MYO18B: variants seen among roughly 807,000 people sequenced by gnomAD.
MYO18B encodes the protein unconventional myosin-XVIIIb.
In MYO18B, 204 loss-of-function variants were observed where a neutral mutation model predicts 273.0. That is an observed-to-expected ratio of 0.75 (90% CI 0.67 to 0.84). The LOEUF is 0.84. Ranked by LOEUF, MYO18B falls within the 40% of genes least tolerant of loss-of-function variation. The pLI is 0.00. For synonymous variants in MYO18B, 1,330 were observed against 1,305.7 expected (o/e 1.02, Z -0.40); for missense variants, 3,212 against 3,287.6 (o/e 0.98, Z 0.56).
At chr22:25,862,150 A>G (rs1448303677) in intron 21 of MYO18B, among the ~76,000 whole-genome samples, 4 of 152,194 alleles carry the variant, frequency 2.6e-5, no homozygotes, top group Non-Finnish European at 5.9e-5. Context: ...ACAGAAGGAT[A>G]TGAGTAGGTT....
At chr22:25,814,240 A>G (rs1440574245) in intron 12 of MYO18B, among the ~76,000 whole-genome samples, 1 of 146,882 alleles carries the variant, frequency 6.8e-6, no homozygotes, top group African/African-American at 2.5e-5. Context: ...TCTCTCCTAA[A>G]TAATAACAGT....
In MYO18B at chr22:26,015,582, T is replaced by C. The variant is rs183476526; in HGVS notation, c.6470+10727T>C. 4.6e-3 allele frequency among the ~76,000 whole-genome samples: 706 copies of C among 152,206 alleles called. 5 individuals are homozygous for C. Among genetic ancestry groups the C allele is most frequent in the African/African-American group, 0.016 (661 of 41,516 alleles). ...ACCAAATACCACATCATCTCACTTA[T>C]AAGTGGGAGCTAAATTATGAAAGCA... On this transcript the variant is annotated intron_variant, in intron 42 of 43. Coordinates refer to ENST00000335473, the MANE Select transcript of MYO18B (RefSeq NM_032608.7).
intron 11 of MYO18B, among the ~76,000 whole-genome samples, chr22:25,788,996 G>A (rs965819639): frequency 2.6e-5 from 4 of 152,120 alleles, no homozygotes; most frequent in Non-Finnish European, 4.4e-5. Flanking sequence ...CTTCGGCAGT[G>A]CCTGACACTT....
intron 34 of MYO18B, among the ~76,000 whole-genome samples, chr22:25,929,796 A>G (rs1230096055): frequency 3.9e-5 from 6 of 152,158 alleles, no homozygotes; most frequent in African/African-American, 9.7e-5. Flanking sequence ...CTGAATATCT[A>G]GTACTTGGAT....
intron 39 of MYO18B, among the ~76,000 whole-genome samples, chr22:25,982,702 T>A (rs1284386360): frequency 6.6e-6 from 1 of 152,162 alleles, no homozygotes; most frequent in Non-Finnish European, 1.5e-5. Flanking sequence ...CTTGCCTCCA[T>A]CTTCAAAGAC....
intron 11 of MYO18B, among the ~76,000 whole-genome samples, chr22:25,792,008 A>T (rs2087682057): frequency 6.6e-6 from 1 of 152,200 alleles, no homozygotes; most frequent in South Asian, 2.1e-4. Flanking sequence ...CTGTCATCTC[A>T]GATCACGATT....
chr22:25,852,060 G>A (rs753475464), intron 21 of MYO18B, among the ~76,000 whole-genome samples: 4 of 152,214 alleles, frequency 2.6e-5, no homozygotes, highest in Non-Finnish European at 4.4e-5. Context: ...TGCAAAGTGT[G>A]TTCCATTCAG....
intron 15 of MYO18B, among the ~76,000 whole-genome samples, chr22:25,829,296 G>C (rs117423527): frequency 6.6e-6 from 1 of 152,262 alleles, no homozygotes; most frequent in East Asian, 1.9e-4. Flanking sequence ...TCCTCCAAGA[G>C]TCAGTCTGCA....
intron 18 of MYO18B, among the ~76,000 whole-genome samples, chr22:25,844,325 G>A (rs1051604058): frequency 6.6e-6 from 1 of 152,166 alleles, no homozygotes; most frequent in East Asian, 1.9e-4. Context: ...GAGGCCGGCA[G>A]CATTCTCTGC....
At chr22:25,859,198 C>A (rs1383789019) in intron 21 of MYO18B, among the ~76,000 whole-genome samples, 1 of 151,914 alleles carries the variant, frequency 6.6e-6, no homozygotes, top group African/African-American at 2.4e-5. Context: ...GCCTTAAAAA[C>A]CTCAAATAAT....
At chr22:25,880,391 G>A (rs554758719) in intron 25 of MYO18B, among the ~76,000 whole-genome samples, 3 of 152,096 alleles carry the variant, frequency 2.0e-5, no homozygotes, top group Non-Finnish European at 2.9e-5. Flanking sequence ...TTTCTTTATC[G>A]TGGATTTTTT....
Position 25,913,356 on chromosome 22 carries a change from G to A in MYO18B, c.5364+2306G>A, listed in dbSNP as rs556256343. On this transcript the variant is annotated intron_variant, in intron 33 of 43. Transcript: ENST00000335473. ...TGTGCATTTTTCACATGTTGATTGT[G>A]GCTTTTTCTTTTCTTTTCTTTTTTT... Among the ~76,000 whole-genome samples, 219 of 84,208 alleles carry A rather than the reference G, an allele frequency of 2.6e-3. 1 individual carries two copies. The highest frequency in any genetic ancestry group is 0.011 in the African/African-American group (200 of 18,572). 55.2% of individuals were successfully genotyped at this position (84,208 alleles called of 152,430 possible). A position where few individuals can be genotyped will look rare whatever the true frequency, so the allele number is the denominator to read the frequency against.
In MYO18B at chr22:25,826,516, C is replaced by T; in HGVS notation, c.2786+17C>T. On this transcript the variant is annotated intron_variant, in intron 14 of 43. Transcript: ENST00000335473. ...CATCAACAGGTAACGGGGCCTTTTCCTAGGCACACAGTTGGCCTCTTGCAG... is the reference window on the plus strand; with the variant it reads ...CATCAACAGGTAACGGGGCCTTTTCTTAGGCACACAGTTGGCCTCTTGCAG... The T allele has an allele frequency of 1.9e-6, 3 of 1,607,850 alleles. No homozygotes were observed. The highest frequency in any genetic ancestry group is 2.6e-6 in the Non-Finnish European group (3 of 1,175,870).
rs1012118457 is a variant in MYO18B, at chr22:25,898,469, G to T, written c.4823+8G>T. On this transcript the variant is annotated splice_region_variant and intron_variant, in intron 29 of 43. Coordinates refer to ENST00000335473, the MANE Select transcript of MYO18B (RefSeq NM_032608.7). ...GGAGAAGAAGCAGAAGAAGTGAGTT[G>T]CATCTCTCACCATCACCTGGGCTGC... 4 of 1,612,706 alleles carry T rather than the reference G, an allele frequency of 2.5e-6. No individual in the cohort carries two copies. Among genetic ancestry groups the T allele is most frequent in the East Asian group, 4.5e-5 (2 of 44,888 alleles).
intron 21 of MYO18B, among the ~76,000 whole-genome samples, chr22:25,861,109 C>A (rs1017155623): frequency 6.6e-6 from 1 of 152,114 alleles, no homozygotes; most frequent in Non-Finnish European, 1.5e-5. Context: ...GTCTCGACCT[C>A]CTGGGCTCCA....
chr22:26,021,124 A>G (rs113285554), intron 42 of MYO18B, among the ~76,000 whole-genome samples: 1,799 of 152,300 alleles, frequency 0.012, 34 homozygotes, highest in African/African-American at 0.041. Context: ...CTGGCTTGGA[A>G]TAGACAGAGC....
rs1163956082 is a variant in MYO18B at position 25,898,354 on chromosome 22, C to G, written c.4716C>G (p.His1572Gln). Residue 1572 changes from histidine (H) to glutamine (Q), a missense_variant, in exon 29 of 44, where the codon CAC becomes CAG. Transcript: ENST00000335473. ...ATGACGGGGCCAAGAAGATGGCTCA[C>G]CAACTGAAGAGGAAGTGCCACCATC... is the stretch of plus-strand genomic sequence containing the variant. ...SAYDGAKKMA[H>Q]QLKRKCHHLT... 1 of 1,613,766 alleles carries G rather than the reference C, an allele frequency of 6.2e-7. No individual in the cohort carries two copies. The highest frequency in any genetic ancestry group is 1.3e-5 in the African/African-American group (1 of 74,890).
At chr22:25,822,943 T>C (rs1255841141) in intron 12 of MYO18B, among the ~76,000 whole-genome samples, 2 of 152,216 alleles carry the variant, frequency 1.3e-5, no homozygotes, top group African/African-American at 4.8e-5. Context: ...TTATTATTAT[T>C]ACTTTTTTAA....
the MYO18B span, among the ~76,000 whole-genome samples, chr22:26,043,914 C>T: frequency 6.6e-6 from 1 of 152,212 alleles, no homozygotes; most frequent in African/African-American, 2.4e-5. Context: ...GCACACGCCA[C>T]TGCACCTGGC....
Sources: allele counts gnomAD v4.1 joint callset (sites outside exome capture counted in the v4.1 genomes callset), GRCh38; gene constraint gnomAD v4.1.1; transcripts MANE v1.5; gene names NCBI Gene and HGNC (gene_info 2026-07-23, HGNC 2026-07-21).